The following GSTCD variants were observed in gnomAD, a reference collection of about 807,000 sequenced individuals.
GSTCD encodes glutathione S-transferase C-terminal domain-containing protein.
Under a neutral mutation model 68.3 loss-of-function variants are expected in GSTCD, and 44 were observed. That is an observed-to-expected ratio of 0.64 (90% CI 0.51 to 0.83). The LOEUF is 0.83. Ranked by LOEUF, GSTCD falls within the 40% of genes least tolerant of loss-of-function variation. The pLI is 0.00. For missense variants in GSTCD, 739 were observed against 735.9 expected (o/e 1.00, Z -0.05); for synonymous variants, 273 against 255.2 (o/e 1.07, Z -0.67).
chr4:105,832,004 C>T (rs192776084), intron 8 of GSTCD, among the ~76,000 whole-genome samples: 9 of 152,192 alleles, frequency 5.9e-5, no homozygotes, highest in Admixed American at 1.3e-4. Flanking sequence ...CCTTATTGCA[C>T]GTAGATTTTT....
chr4:105,737,113 G>A (rs1239715755), intron 5 of GSTCD, among the ~76,000 whole-genome samples: 2 of 152,080 alleles, frequency 1.3e-5, no homozygotes, highest in Non-Finnish European at 2.9e-5. Context: ...ATCCAGCAAG[G>A]GAATTGCTAG....
At chr4:105,732,090 G>A (rs995099263) in intron 5 of GSTCD, among the ~76,000 whole-genome samples, 3 of 152,138 alleles carry the variant, frequency 2.0e-5, no homozygotes, top group East Asian at 1.9e-4. Flanking sequence ...CTGGATTCGG[G>A]TTGCCAGTAT....
At chr4:105,783,854 T>C (rs955446502) in intron 5 of GSTCD, among the ~76,000 whole-genome samples, 5 of 152,194 alleles carry the variant, frequency 3.3e-5, no homozygotes, top group African/African-American at 1.2e-4. Context: ...AGAATTAGCT[T>C]CTCTTTTGTC....
At chr4:105,734,800 C>A (rs11729003) in intron 5 of GSTCD, among the ~76,000 whole-genome samples, 2 of 152,118 alleles carry the variant, frequency 1.3e-5, no homozygotes, top group African/African-American at 4.8e-5. Context: ...TTTTTCCCCA[C>A]CTTTGTGGTT....
intron 3 of GSTCD, among the ~76,000 whole-genome samples, chr4:105,725,833 G>T (rs1416529736): frequency 6.6e-6 from 1 of 152,010 alleles, no homozygotes; most frequent in East Asian, 1.9e-4. Context: ...ATTACAATGA[G>T]ACACTACTAT....
At chr4:105,822,489 G>C (rs1469432590) in intron 5 of GSTCD, among the ~76,000 whole-genome samples, 2 of 152,042 alleles carry the variant, frequency 1.3e-5, no homozygotes, top group Non-Finnish European at 1.5e-5. Context: ...ACTTATTATG[G>C]ATCTCTCTAT....
chr4:105,731,904 G>T (rs191694698), intron 5 of GSTCD, among the ~76,000 whole-genome samples: 1 of 152,120 alleles, frequency 6.6e-6, no homozygotes, highest in African/African-American at 2.4e-5. Context: ...TAGCATGAAG[G>T]GCTGTTGAAT....
intron 1 of GSTCD, among the ~76,000 whole-genome samples, chr4:105,709,941 T>C (rs1466072486): frequency 6.6e-6 from 1 of 152,194 alleles, no homozygotes; most frequent in African/African-American, 2.4e-5. Flanking sequence ...CGCTGTCATA[T>C]TTAATAAACA....
chr4:105,719,623 C>A, intron 3 of GSTCD, 96 bp downstream of exon 3: 1 of 844,792 alleles, frequency 1.2e-6, no homozygotes. Flanking sequence ...TGTCAATATG[C>A]TGCTAGGAAA....
chr4:105,845,818 C>T lies in GSTCD; in HGVS notation c.*241C>T. ...TAGTGAGAATCCCCTGAAGTCTCAG[C>T]TGCCAAAAGAATAATACTAGTGGAG... On this transcript the variant is annotated 3_prime_UTR_variant, in exon 12 of 12. Transcript: ENST00000515279. The T allele has an allele frequency of 2.1e-6, 1 of 472,604 alleles. No homozygotes were observed. The highest frequency in any genetic ancestry group is 3.8e-6 in the Non-Finnish European group (1 of 260,368). 29.3% of individuals were successfully genotyped at this position (472,604 alleles called of 1,614,324 possible). A position where few individuals can be genotyped will look rare whatever the true frequency, so the allele number is the denominator to read the frequency against.
Position 105,842,047 on chromosome 4 carries a change from T to C in GSTCD, c.1696-18T>C. 1 of 1,602,412 alleles carries C rather than the reference T, an allele frequency of 6.2e-7. No individual in the cohort carries two copies. Among genetic ancestry groups the C allele is most frequent in the Non-Finnish European group, 8.6e-7 (1 of 1,169,454 alleles). On this transcript the variant is annotated intron_variant, in intron 10 of 11. Coordinates refer to ENST00000515279, the MANE Select transcript of GSTCD (RefSeq NM_001370181.1). ...AGAAGATAAAAATAAACCCACATTC[T>C]ATTGCTTTTTCTTTTAGGAACACAT...
intron 5 of GSTCD, among the ~76,000 whole-genome samples, chr4:105,774,464 C>T (rs991583122): frequency 2.0e-5 from 3 of 152,194 alleles, no homozygotes; most frequent in Middle Eastern, 6.8e-3. Flanking sequence ...TTCACAATTT[C>T]GTATGTTTTT....
rs556490306 is a variant in GSTCD, at chr4:105,847,344, A to G, written c.*1767A>G. The G allele has an allele frequency of 1.3e-5, 2 of 152,246 alleles. No homozygotes were observed. Among genetic ancestry groups the G allele is most frequent in the East Asian group, 3.9e-4 (2 of 5,180 alleles). 9.4% of individuals were successfully genotyped at this position (152,246 alleles called of 1,614,324 possible). On this transcript the variant is annotated 3_prime_UTR_variant, in exon 12 of 12. Coordinates refer to ENST00000515279, the MANE Select transcript of GSTCD (RefSeq NM_001370181.1). ...ATTGGAATCGTGTTTTCTGGGATAA[A>G]ATTTTTAAAAAGAATTAATCATTAG... is the stretch of plus-strand genomic sequence containing the variant.
intron 5 of GSTCD, among the ~76,000 whole-genome samples, chr4:105,793,158 A>G (rs1216181264): frequency 2.6e-5 from 4 of 152,100 alleles, no homozygotes; most frequent in Non-Finnish European, 4.4e-5. Context: ...TCTAAATCTT[A>G]ACTCTCTAAT....
rs1356545072 is a variant in GSTCD, at chr4:105,847,642, T to G, written c.*2065T>G. On this transcript the variant is annotated 3_prime_UTR_variant, in exon 12 of 12. Transcript: ENST00000515279. ...ATTTTCATAATGAATGTTTTACTTG[T>G]GATGAAGATTTAACTTACCCTTTTA... is the stretch of plus-strand genomic sequence containing the variant. The G allele has an allele frequency of 6.6e-6, 1 of 152,212 alleles. No individual in the cohort carries two copies. The highest frequency in any genetic ancestry group is 6.5e-5 in the Admixed American group (1 of 15,286). The allele number at this position is 152,212 out of a possible 1,614,324, so 9.4% of individuals were successfully genotyped here.
chr4:105,730,869 G>A (rs1267030342), intron 5 of GSTCD, among the ~76,000 whole-genome samples: 1 of 152,150 alleles, frequency 6.6e-6, no homozygotes, highest in Admixed American at 6.5e-5. Context: ...GGTTTTTATG[G>A]TTTTAGGTCT....
rs543460568 is a variant in GSTCD at position 105,804,015 on chromosome 4, A to C, written c.1241-18939A>C. Among the ~76,000 whole-genome samples, 51 of 152,108 alleles carry C rather than the reference A, an allele frequency of 3.4e-4. 1 individual carries two copies. The South Asian group carries it at 0.011, about 32-fold the overall frequency. On this transcript the variant is annotated intron_variant, in intron 5 of 11. Coordinates refer to ENST00000515279, the MANE Select transcript of GSTCD (RefSeq NM_001370181.1). ...TTGTTTTTGTAAAGCTGGATAATGG[A>C]TACTTCAGTAGTTTTTATCATCACC...
intron 5 of GSTCD, among the ~76,000 whole-genome samples, chr4:105,771,773 C>G (rs1486823806): frequency 6.6e-6 from 1 of 152,042 alleles, no homozygotes; most frequent in Non-Finnish European, 1.5e-5. Flanking sequence ...GTTACTGTAG[C>G]CTTGTAGTAT....
At chr4:105,730,602 T>C (rs1239511162) in intron 5 of GSTCD, among the ~76,000 whole-genome samples, 1 of 152,250 alleles carries the variant, frequency 6.6e-6, no homozygotes, top group Non-Finnish European at 1.5e-5. Context: ...TGTTTTTTTC[T>C]TGTAAATTTG....
Sources: gnomAD v4.1 joint callset for allele counts (sites outside exome capture counted in the v4.1 genomes callset) on GRCh38, gnomAD v4.1.1 for gene constraint, MANE v1.5 for transcripts, NCBI Gene and HGNC (gene_info 2026-07-23, HGNC 2026-07-21) for gene names.